Variants in ESRRB observed in about 807,000 individuals in gnomAD.
The protein encoded by ESRRB is steroid hormone receptor ERR2.
In ESRRB, 16 loss-of-function variants were observed where a neutral mutation model predicts 46.0. The observed-to-expected ratio is 0.35, with a 90% CI of 0.24 to 0.53. The LOEUF (loss-of-function observed/expected upper bound fraction) is 0.53, where lower values mean the gene tolerates loss of function less well. Among genes scored for constraint, ESRRB ranks in the 20% least tolerant of loss-of-function variants. ESRRB has a pLI of 0.93. For missense variants in ESRRB, 488 were observed against 607.4 expected, an observed-to-expected ratio of 0.80 and a Z score of 2.07; for synonymous variants, 246 against 259.6, an observed-to-expected ratio of 0.95 and a Z score of 0.50.
chr14:76,405,738 G>A (rs1886159270), intron 1 of ESRRB, among the ~76,000 whole-genome samples: 1 of 151,706 alleles, frequency 6.6e-6, no homozygotes, highest in African/African-American at 2.4e-5. Flanking sequence ...TGGCAACAGA[G>A]CGAGACTCTG....
At chr14:76,472,373 G>A (rs1889407038) in intron 3 of ESRRB, among the ~76,000 whole-genome samples, 1 of 152,210 alleles carries the variant, frequency 6.6e-6, no homozygotes, top group Non-Finnish European at 1.5e-5. Context: ...AGAATTCTGA[G>A]AGCTCATCAC....
chr14:76,352,461 G>A (rs35068962), intron 1 of ESRRB, among the ~76,000 whole-genome samples: 39,384 of 152,048 alleles, frequency 0.26, 5,349 homozygotes, highest in African/African-American at 0.34. Flanking sequence ...CCAGGGAGCT[G>A]CTAGTGAGAA....
intron 1 of ESRRB, among the ~76,000 whole-genome samples, chr14:76,410,817 T>G (rs999935787): frequency 2.0e-5 from 3 of 152,120 alleles, no homozygotes; most frequent in Non-Finnish European, 2.9e-5. Context: ...AGAGTCTCTC[T>G]CTGTCACCCA....
At chr14:76,416,376 T>C (rs1886701010) in intron 1 of ESRRB, among the ~76,000 whole-genome samples, 1 of 151,942 alleles carries the variant, frequency 6.6e-6, no homozygotes, top group Non-Finnish European at 1.5e-5. Flanking sequence ...AGACTGCCTT[T>C]GTCTCCCAAA....
intron 1 of ESRRB, among the ~76,000 whole-genome samples, chr14:76,410,906 C>T (rs567165810): frequency 1.3e-5 from 2 of 152,076 alleles, no homozygotes; most frequent in South Asian, 2.1e-4. Context: ...GCCTCAGCCT[C>T]CCGAGTAGCT....
intron 1 of ESRRB, among the ~76,000 whole-genome samples, chr14:76,393,648 C>T (rs977453129): frequency 6.6e-6 from 1 of 152,110 alleles, no homozygotes; most frequent in Non-Finnish European, 1.5e-5. Flanking sequence ...GGCCAGGTGC[C>T]GGCAACTGCA....
At chr14:76,405,576 G>A (rs1566879823) in intron 1 of ESRRB, among the ~76,000 whole-genome samples, 1 of 152,110 alleles carries the variant, frequency 6.6e-6, no homozygotes, top group Non-Finnish European at 1.5e-5. Flanking sequence ...GGGCTTGTTG[G>A]TGAGACCTCA....
chr14:76,482,772 G>A lies in ESRRB; in HGVS notation c.850+13G>A, dbSNP rs1387850785. The A allele has an allele frequency of 1.9e-6, 3 of 1,613,686 alleles. No individual in the cohort carries two copies. Among genetic ancestry groups the A allele is most frequent in the Non-Finnish European group, 2.5e-6 (3 of 1,179,968 alleles). On this transcript the variant is annotated intron_variant, in intron 5 of 6. Transcript: ENST00000644823. This position sits in a 1 kb window ranked among gnomAD's most constrained non-coding sequence, Gnocchi z 4.3. ...AAGCACATCCCAGGTGAGCATGTGGGACCAGGGGAGAGTGTGGCCAGGGAC... is the reference window on the plus strand; with the variant it reads ...AAGCACATCCCAGGTGAGCATGTGGAACCAGGGGAGAGTGTGGCCAGGGAC...
intron 6 of ESRRB, among the ~76,000 whole-genome samples, chr14:76,496,366 A>C (rs1890425432): frequency 3.1e-5 from 3 of 97,742 alleles, no homozygotes; most frequent in African/African-American, 3.5e-5. Context: ...GTAGACTCTG[A>C]GTGGGGTCTT....
upstream of ESRRB, among the ~76,000 whole-genome samples, chr14:76,374,075 C>T (rs528134750): frequency 6.6e-6 from 1 of 152,308 alleles, no homozygotes; most frequent in East Asian, 1.9e-4. Context: ...TCACCTTCTT[C>T]CTGGGCAGCG....
chr14:76,491,369 G>A lies in ESRRB; in HGVS notation c.851-78G>A, dbSNP rs1890217492. On this transcript the variant is annotated intron_variant, in intron 5 of 6. Transcript: ENST00000644823. ...CAACCAGCCACGCCCTGCAACCTCT[G>A]CCCCCAGCGAGCCCCAGGGAGGCCC... 9 of 1,477,590 alleles carry A rather than the reference G, an allele frequency of 6.1e-6. 1 individual carries two copies. The highest frequency in any genetic ancestry group is 4.7e-4 in the Middle Eastern group (2 of 4,286). The allele number at this position is 1,477,590 out of a possible 1,614,324, so 91.5% of individuals were successfully genotyped here.
chr14:76,378,231 A>G lies in ESRRB; in HGVS notation c.50+1780A>G, dbSNP rs2139793744. Among the ~76,000 whole-genome samples the G allele has an allele frequency of 3.9e-5, 6 of 152,362 alleles. No individual in the cohort carries two copies. In the South Asian group the frequency reaches 1.2e-3, roughly 32 times the overall value. ...GCTCAAGTCATAGTCAATAAATATGAAAATTCGTATGAAGGAAGTACATTC... is the reference window on the plus strand; with the variant it reads ...GCTCAAGTCATAGTCAATAAATATGGAAATTCGTATGAAGGAAGTACATTC... On this transcript the variant is annotated intron_variant, in intron 1 of 6. Transcript: ENST00000644823.
In ESRRB at chr14:76,408,591, CAAAAAAAAAAAAAAA is replaced by C. The variant is rs35955826; in HGVS notation, c.51-30737_51-30723del. Among the ~76,000 whole-genome samples, 5 of 42,152 alleles carry C rather than the reference CAAAAAAAAAAAAAAA, an allele frequency of 1.2e-4. No homozygotes were observed. The South Asian group carries it at 4.2e-3, about 36-fold the overall frequency. The allele number at this position is 42,152 out of a possible 152,430, so 27.7% of individuals were successfully genotyped here. ...TGGGTGACAGAGTGAGACCCTGTCT[CAAAAAAAAAAAAAAA>C]AAAAAAAAAAAAGATAAGCACTACA... is the stretch of plus-strand genomic sequence containing the variant. On this transcript the variant is annotated intron_variant, in intron 1 of 6. Coordinates refer to ENST00000644823, the MANE Select transcript of ESRRB (RefSeq NM_001379180.1).
intron 1 of ESRRB, among the ~76,000 whole-genome samples, chr14:76,350,977 T>G (rs1328821136): frequency 1.3e-5 from 2 of 152,138 alleles, no homozygotes; most frequent in African/African-American, 4.8e-5. Flanking sequence ...GAATACACCT[T>G]TGTCATCTTG....
At chr14:76,369,775 G>A (rs1395865361), upstream of ESRRB, among the ~76,000 whole-genome samples, 4 of 152,094 alleles carry the variant, frequency 2.6e-5, no homozygotes, top group Admixed American at 2.0e-4. Context: ...TTCATACTAG[G>A]GAGACAGGCT....
chr14:76,401,897 C>T (rs1170158549), intron 1 of ESRRB, among the ~76,000 whole-genome samples: 1 of 152,074 alleles, frequency 6.6e-6, no homozygotes, highest in Middle Eastern at 3.2e-3. Flanking sequence ...TTATGGAAGC[C>T]GACAAGTCCC....
chr14:76,318,686 G>C (rs1472071032), intron 1 of ESRRB, among the ~76,000 whole-genome samples: 1 of 152,180 alleles, frequency 6.6e-6, no homozygotes, highest in Non-Finnish European at 1.5e-5. Flanking sequence ...TAAGTCCCTT[G>C]AATAGTACCT....
intron 1 of ESRRB, among the ~76,000 whole-genome samples, chr14:76,358,415 A>AAAG (rs1566859751): frequency 1.4e-5 from 2 of 143,870 alleles, no homozygotes; most frequent in African/African-American, 5.2e-5. Flanking sequence ...AAGAAAGAAA[A>AAAG]GAAAAGAAAA....
chr14:76,417,944 CTTTTTTTTTTTTT>C (rs869242837), intron 1 of ESRRB, among the ~76,000 whole-genome samples: 34 of 91,342 alleles, frequency 3.7e-4, no homozygotes, highest in African/African-American at 1.4e-3. Context: ...CTTTTACATA[CTTTTTTTTTTTTT>C]TTTTTTTTTT....
Sources: allele counts gnomAD v4.1 joint callset (sites outside exome capture counted in the v4.1 genomes callset), GRCh38; gene constraint gnomAD v4.1.1; non-coding constraint Gnocchi (gnomAD v3.1); transcripts MANE v1.5; gene names NCBI Gene and HGNC (gene_info 2026-07-23, HGNC 2026-07-21).